Variants in AK5 observed in about 807,000 individuals in gnomAD.
AK5 encodes the protein adenylate kinase isoenzyme 5.
In AK5, 27 loss-of-function variants were observed where a neutral mutation model predicts 69.5. The ratio of observed to expected loss-of-function variants is 0.39; its 90% CI spans 0.29 to 0.54. The LOEUF (loss-of-function observed/expected upper bound fraction) is 0.54. Among genes scored for constraint, AK5 ranks in the 20% least tolerant of loss-of-function variants. The pLI, the probability that AK5 is intolerant of heterozygous loss-of-function variation, is 0.71. For synonymous variants in AK5, 260 were observed against 244.4 expected, an observed-to-expected ratio of 1.06 and a Z score of -0.60; for missense variants, 531 against 700.4, an observed-to-expected ratio of 0.76 and a Z score of 2.73.
intron 10 of AK5, among the ~76,000 whole-genome samples, chr1:77,495,287 G>A (rs1299619635): frequency 1.3e-5 from 2 of 152,230 alleles, no homozygotes; most frequent in Non-Finnish European, 2.9e-5. Flanking sequence ...TTCTGTAAAA[G>A]CAAGGAAACC....
chr1:77,548,624 T>C (rs563034668), intron 13 of AK5, among the ~76,000 whole-genome samples: 1 of 152,204 alleles, frequency 6.6e-6, no homozygotes, highest in Non-Finnish European at 1.5e-5. Context: ...ACTCAAGCAA[T>C]GGTTTCAACT....
At chr1:77,322,390 C>T (rs939802684) in intron 5 of AK5, among the ~76,000 whole-genome samples, 1 of 151,954 alleles carries the variant, frequency 6.6e-6, no homozygotes, top group African/African-American at 2.4e-5. Context: ...CAAATTTTAC[C>T]GGCTACTTTA....
chr1:77,502,390 C>T (rs1309738314), intron 10 of AK5, among the ~76,000 whole-genome samples: 2 of 152,144 alleles, frequency 1.3e-5, no homozygotes, highest in African/African-American at 4.8e-5. Context: ...AAGGACCTGC[C>T]TGGAAGTTGC....
intron 8 of AK5, among the ~76,000 whole-genome samples, chr1:77,454,025 A>G (rs979131941): frequency 1.3e-5 from 2 of 152,194 alleles, no homozygotes; most frequent in Admixed American, 6.5e-5. Flanking sequence ...TTTGAGGAAG[A>G]AGCTTCTAGT....
intron 12 of AK5, among the ~76,000 whole-genome samples, chr1:77,529,213 G>A (rs1351456637): frequency 8.6e-5 from 13 of 152,010 alleles, no homozygotes; most frequent in Non-Finnish European, 1.9e-4. Context: ...CAGAACATAG[G>A]AATAGTAATT....
chr1:77,293,634 C>G (rs918119457), intron 2 of AK5, 159 bp from the exon 3 acceptor site: 1 of 596,406 alleles, frequency 1.7e-6, no homozygotes, highest in Non-Finnish European at 2.8e-6. Context: ...CTATCTGACC[C>G]TTTACAATAA....
intron 8 of AK5, among the ~76,000 whole-genome samples, chr1:77,482,637 G>T (rs749847997): frequency 2.6e-5 from 4 of 151,938 alleles, no homozygotes; most frequent in Non-Finnish European, 4.4e-5. Context: ...GCGCAGCACG[G>T]TGGTACATGC....
At chr1:77,545,638 C>G (rs1431214044) in intron 13 of AK5, among the ~76,000 whole-genome samples, 3 of 152,146 alleles carry the variant, frequency 2.0e-5, no homozygotes, top group African/African-American at 7.2e-5. Flanking sequence ...CCCTGGCTCT[C>G]CATGTTGCCC....
chr1:77,384,114 A>G (rs1647843086), intron 6 of AK5, among the ~76,000 whole-genome samples: 1 of 152,176 alleles, frequency 6.6e-6, no homozygotes, highest in African/African-American at 2.4e-5. Context: ...ACGAACAGAC[A>G]TTATTTAGAA....
intron 10 of AK5, among the ~76,000 whole-genome samples, chr1:77,500,969 A>C (rs1656684917): frequency 6.6e-6 from 1 of 152,176 alleles, no homozygotes; most frequent in Non-Finnish European, 1.5e-5. Context: ...CATACAGCGC[A>C]GTGTAGAATT....
intron 5 of AK5, among the ~76,000 whole-genome samples, chr1:77,328,518 T>G (rs1043393271): frequency 6.6e-6 from 1 of 151,734 alleles, no homozygotes; most frequent in South Asian, 2.1e-4. Flanking sequence ...AAAAAAAAAC[T>G]TCAACTTTTT....
chr1:77,368,334 A>G (rs921601986), intron 6 of AK5, among the ~76,000 whole-genome samples: 9 of 135,316 alleles, frequency 6.7e-5, no homozygotes, highest in African/African-American at 2.2e-4. Flanking sequence ...TATATGTTAT[A>G]TATGTTATAT....
rs374382779 is a variant in AK5, at chr1:77,367,589, T to TTATATATATGTTATATATATGTAA, written c.891+27028_891+27029insATGTTATATATATGTAATATATAT. ...TATATATATATATATAATATATATGTTATATATGTAATATATATGTAATAT... is the reference window on the plus strand; with the variant it reads ...TATATATATATATATAATATATATGTTATATATATGTTATATATATGTAATATATATGTAATATATATGTAATAT... On this transcript the variant is annotated intron_variant, in intron 6 of 13. Transcript: ENST00000354567. Among the ~76,000 whole-genome samples the TTATATATATGTTATATATATGTAA allele has an allele frequency of 2.0e-3, 89 of 43,566 alleles. 3 individuals are homozygous for TTATATATATGTTATATATATGTAA. The highest frequency in any genetic ancestry group is 6.7e-3 in the African/African-American group (83 of 12,454). 28.6% of individuals were successfully genotyped at this position (43,566 alleles called of 152,430 possible). A position where few individuals can be genotyped will look rare whatever the true frequency, so the allele number is the denominator to read the frequency against.
chr1:77,305,866 C>A (rs1001326856), intron 5 of AK5, among the ~76,000 whole-genome samples: 6 of 150,736 alleles, frequency 4.0e-5, no homozygotes, highest in Non-Finnish European at 8.9e-5. Flanking sequence ...TTGTTTTTTT[C>A]TATTTCTGTG....
intron 6 of AK5, among the ~76,000 whole-genome samples, chr1:77,375,514 A>G (rs1369705526): frequency 1.3e-5 from 2 of 152,128 alleles, no homozygotes; most frequent in African/African-American, 2.4e-5. Flanking sequence ...CCCATCTCCT[A>G]CCTTCTCCTT....
At chr1:77,314,846 T>C (rs1660162644) in intron 5 of AK5, 1 of 152,132 alleles carries the variant, frequency 6.6e-6, no homozygotes, top group African/African-American at 2.4e-5. Flanking sequence ...GTATTCCAGA[T>C]TATGAAATGA....
chr1:77,500,300 A>G (rs1192585010), intron 10 of AK5, among the ~76,000 whole-genome samples: 1 of 152,216 alleles, frequency 6.6e-6, no homozygotes, highest in African/African-American at 2.4e-5. Flanking sequence ...GGCTTAGTAA[A>G]GTAGCACACG....
Position 77,297,876 on chromosome 1 carries a change from C to T in AK5, c.628C>T (p.Pro210Ser), listed in dbSNP as rs1659104437. 2.5e-6 allele frequency: 4 copies of T among 1,613,204 alleles called. No homozygotes were observed. The highest frequency in any genetic ancestry group is 3.4e-6 in the Non-Finnish European group (4 of 1,179,780). Reference sequence around the variant, plus strand: ...GATAAAACAAAAATTGATGCAAATACCTGATGAAGAGGGCATTGTTATTGA... The same window carrying T: ...GATAAAACAAAAATTGATGCAAATATCTGATGAAGAGGGCATTGTTATTGA... ...TEIKQKLMQI[P>S]DEEGIVIDGF... is the part of the protein sequence containing the mutation. The change falls in exon 5 of 14, where the codon CCT becomes TCT. Residue 210 changes from proline to serine, a missense_variant. Transcript: ENST00000354567.
At chr1:77,317,533 G>A (rs1476087377) in intron 5 of AK5, among the ~76,000 whole-genome samples, 1 of 152,060 alleles carries the variant, frequency 6.6e-6, no homozygotes, top group Non-Finnish European at 1.5e-5. Context: ...TCACTTTGCT[G>A]ATATGTGTCC....
Sources: gnomAD v4.1 joint callset for allele counts (sites outside exome capture counted in the v4.1 genomes callset) on GRCh38, gnomAD v4.1.1 for gene constraint, MANE v1.5 for transcripts, NCBI Gene and HGNC (gene_info 2026-07-23, HGNC 2026-07-21) for gene names.